PPFIBP2: variants seen among roughly 807,000 people sequenced by gnomAD.
PPFIBP2 encodes the protein liprin-beta-2.
A neutral mutation model predicts 118.3 loss-of-function variants in PPFIBP2; 118 were observed. The ratio of observed to expected loss-of-function variants is 1.00; its 90% CI spans 0.86 to 1.16. The LOEUF is 1.16. Among genes scored for constraint, PPFIBP2 ranks in the 50% most tolerant of loss-of-function variants. PPFIBP2 has a pLI of 0.00. For synonymous variants in PPFIBP2, 414 were observed against 397.4 expected (o/e 1.04, Z -0.50); for missense variants, 1,195 against 1,073.1 (o/e 1.11, Z -1.59).
intron 4 of PPFIBP2, among the ~76,000 whole-genome samples, chr11:7,594,783 G>C (rs903040651): frequency 6.6e-5 from 10 of 152,014 alleles, no homozygotes; most frequent in Non-Finnish European, 1.0e-4. Flanking sequence ...CAGGCATGGT[G>C]ATGGGTGCCT....
intron 3 of PPFIBP2, among the ~76,000 whole-genome samples, chr11:7,568,317 T>C (rs531301131): frequency 2.0e-5 from 3 of 152,304 alleles, no homozygotes; most frequent in South Asian, 4.1e-4. Context: ...TCTTTTTTCT[T>C]TGCCATCCTC....
At position 7,641,631 on chromosome 11, in the gene PPFIBP2, GC is replaced by G. The variant is rs1363659463; in HGVS notation, c.1517+13del. ...GAAGTTCTGGGGAAAGTAAGTTGGT[GC>G]CGTTGATCCTAATTATATTGCTTAG... On this transcript the variant is annotated intron_variant, in intron 16 of 23. Transcript: ENST00000299492. 44 of 1,613,072 alleles carry G rather than the reference GC, an allele frequency of 2.7e-5. No individual in the cohort carries two copies. The highest frequency in any genetic ancestry group is 3.6e-5 in the Non-Finnish European group (43 of 1,179,296).
chr11:7,622,461 T>C (rs1849465111), intron 7 of PPFIBP2, among the ~76,000 whole-genome samples: 1 of 152,222 alleles, frequency 6.6e-6, no homozygotes, highest in African/African-American at 2.4e-5. Context: ...ATTTTTATTG[T>C]TGATAATTTA....
intron 2 of PPFIBP2, among the ~76,000 whole-genome samples, chr11:7,558,984 CT>C: frequency 6.6e-6 from 1 of 152,132 alleles, no homozygotes; most frequent in Middle Eastern, 3.2e-3. Flanking sequence ...ACCTGGGAAA[CT>C]TTTTATTACC....
At chr11:7,552,269 G>A (rs948374604) in intron 2 of PPFIBP2, among the ~76,000 whole-genome samples, 2 of 152,202 alleles carry the variant, frequency 1.3e-5, no homozygotes, top group Admixed American at 6.5e-5. Context: ...GTTGACATGC[G>A]TAAGGTGCTT....
At chr11:7,601,441 A>G (rs74051550) in intron 5 of PPFIBP2, among the ~76,000 whole-genome samples, 4,468 of 152,212 alleles carry the variant, frequency 0.029, 231 homozygotes, top group African/African-American at 0.1. Flanking sequence ...AGGATGTGGG[A>G]TGGGAAGGGA....
intron 14 of PPFIBP2, among the ~76,000 whole-genome samples, chr11:7,639,076 C>T (rs1010773398): frequency 6.6e-6 from 1 of 152,180 alleles, no homozygotes; most frequent in African/African-American, 2.4e-5. Flanking sequence ...TCTTCTTTTG[C>T]TCCACATTTA....
intron 4 of PPFIBP2, chr11:7,597,100 G>A (rs1434299827): frequency 7.9e-7 from 1 of 1,259,178 alleles, no homozygotes; most frequent in Non-Finnish European, 1.1e-6. Flanking sequence ...ACACTCACCT[G>A]ATAGGTGAGC....
At chr11:7,536,674 C>T (rs936654529) in intron 1 of PPFIBP2, among the ~76,000 whole-genome samples, 3 of 152,130 alleles carry the variant, frequency 2.0e-5, no homozygotes, top group African/African-American at 7.2e-5. Flanking sequence ...AGATCCCAGG[C>T]GCATGAATGT....
chr11:7,515,278 A>G (rs1391040233), intron 1 of PPFIBP2, among the ~76,000 whole-genome samples: 2 of 152,226 alleles, frequency 1.3e-5, no homozygotes, highest in African/African-American at 2.4e-5. Flanking sequence ...TTTATTTAAC[A>G]TATTTCAATT....
intron 2 of PPFIBP2, among the ~76,000 whole-genome samples, chr11:7,560,518 T>C (rs1225461920): frequency 6.7e-6 from 1 of 149,992 alleles, no homozygotes; most frequent in Non-Finnish European, 1.5e-5. Flanking sequence ...ATCATATTCT[T>C]TCTTTCAGAA....
chr11:7,527,044 G>C (rs1465142615), intron 1 of PPFIBP2, among the ~76,000 whole-genome samples: 1 of 151,076 alleles, frequency 6.6e-6, no homozygotes, highest in Non-Finnish European at 1.5e-5. Flanking sequence ...AGCAGGTATA[G>C]AAGGGAGTGA....
the PPFIBP2 span, among the ~76,000 whole-genome samples, chr11:7,663,076 C>T: frequency 1.5e-5 from 2 of 131,568 alleles, no homozygotes; most frequent in African/African-American, 5.0e-5. Flanking sequence ...TTTTCAACTT[C>T]TTTGCCTTTG....
rs998683115 is a variant in PPFIBP2 at position 7,631,408 on chromosome 11, A to G, written c.1068+380A>G. On this transcript the variant is annotated intron_variant, in intron 11 of 23. Transcript: ENST00000299492. ...CGATACCCAGTAGAATTCAACAAAT[A>G]TTTGTTGAATGAACGAACATGTCTT... Among the ~76,000 whole-genome samples the G allele has an allele frequency of 2.4e-4, 36 of 152,256 alleles. No individual in the cohort carries two copies. The South Asian group carries it at 7.3e-3, about 31-fold the overall frequency.
At chr11:7,637,889 C>T (rs975018924) in intron 14 of PPFIBP2, among the ~76,000 whole-genome samples, 1 of 152,190 alleles carries the variant, frequency 6.6e-6, no homozygotes, top group East Asian at 1.9e-4. Flanking sequence ...CTCCTTGCAT[C>T]TCAGCTCCTC....
chr11:7,536,815 C>T (rs1564948240), intron 1 of PPFIBP2, among the ~76,000 whole-genome samples: 2 of 152,022 alleles, frequency 1.3e-5, no homozygotes, highest in Non-Finnish European at 2.9e-5. Flanking sequence ...CTGAGGAGCA[C>T]GTTCAAGCTG....
chr11:7,654,138 A>G (rs1270556960), downstream of PPFIBP2, among the ~76,000 whole-genome samples: 1 of 152,230 alleles, frequency 6.6e-6, no homozygotes, highest in Non-Finnish European at 1.5e-5. Context: ...ACTCTCTTTC[A>G]TGTGTTTTGC....
At chr11:7,665,162 T>C in the PPFIBP2 span, 2 of 458,842 alleles carry the variant, frequency 4.4e-6, no homozygotes, top group Admixed American at 3.9e-5. Context: ...AATGGAGCTC[T>C]TTCCAGCCTC....
intron 1 of PPFIBP2, among the ~76,000 whole-genome samples, chr11:7,521,478 C>T (rs1849756967): frequency 6.6e-6 from 1 of 152,168 alleles, no homozygotes; most frequent in South Asian, 2.1e-4. Context: ...ATTTTATCTT[C>T]CTGGAAAGCC....
Sources: allele counts gnomAD v4.1 joint callset (sites outside exome capture counted in the v4.1 genomes callset), GRCh38; gene constraint gnomAD v4.1.1; transcripts MANE v1.5; gene names NCBI Gene and HGNC (gene_info 2026-07-23, HGNC 2026-07-21).